UTS2B: variants seen among roughly 807,000 people sequenced by gnomAD.
The protein encoded by UTS2B is urotensin-2B.
Under a neutral mutation model 19.2 loss-of-function variants are expected in UTS2B, and 21 were observed. That is an observed-to-expected ratio of 1.09 (90% CI 0.78 to 1.58). The LOEUF is 1.58. Ranked by LOEUF, UTS2B falls within the 40% of genes most tolerant of loss-of-function variation. The probability of loss-of-function intolerance (pLI) is 0.00; values close to 1 mark genes in which losing one functional copy is unlikely to be tolerated. For missense variants in UTS2B, 138 were observed against 130.3 expected (o/e 1.06, Z -0.29); for synonymous variants, 57 against 50.2 (o/e 1.14, Z -0.58).
At chr3:191,319,849 C>G (rs908505554) in intron 2 of UTS2B, among the ~76,000 whole-genome samples, 4 of 145,520 alleles carry the variant, frequency 2.7e-5, no homozygotes, top group Non-Finnish European at 4.5e-5. Flanking sequence ...GCCCAGGCAA[C>G]AGTGCGAGAC....
At chr3:191,271,314 CT>C (rs1371066180) in intron 8 of UTS2B, among the ~76,000 whole-genome samples, 1 of 151,812 alleles carries the variant, frequency 6.6e-6, no homozygotes, top group Non-Finnish European at 1.5e-5. Context: ...GCTTCCTTGC[CT>C]TTCTCACACG....
At chr3:191,320,379 G>T (rs2108612239) in intron 2 of UTS2B, among the ~76,000 whole-genome samples, 1 of 152,340 alleles carries the variant, frequency 6.6e-6, no homozygotes, top group South Asian at 2.1e-4. Flanking sequence ...TCAATATGAG[G>T]ACAGGGCAGT....
At chr3:191,293,858 G>A (rs1001046065) in intron 4 of UTS2B, among the ~76,000 whole-genome samples, 1 of 151,924 alleles carries the variant, frequency 6.6e-6, no homozygotes, top group Non-Finnish European at 1.5e-5. Flanking sequence ...AGCACTTTGA[G>A]AAGCCGGGGG....
At chr3:191,315,422 A>T (rs1015877578) in intron 3 of UTS2B, among the ~76,000 whole-genome samples, 2 of 152,180 alleles carry the variant, frequency 1.3e-5, no homozygotes, top group African/African-American at 4.8e-5. Flanking sequence ...TTGGCATAGG[A>T]AGTGAAGGGC....
chr3:191,318,655 G>C (rs1473172078), intron 2 of UTS2B, among the ~76,000 whole-genome samples: 1 of 152,128 alleles, frequency 6.6e-6, no homozygotes, highest in African/African-American at 2.4e-5. Flanking sequence ...ATTTTTGGTA[G>C]AGATGGGGTT....
chr3:191,275,321 C>G lies in UTS2B; in HGVS notation c.265G>C (p.Val89Leu). The change falls in exon 8 of 9, where the codon GTG (valine) becomes CTG (leucine). Residue 89 changes from valine to leucine, a missense_variant. Physicochemically the swap from Val to Leu is conservative, Grantham distance 32 (BLOSUM62 1). Transcript: ENST00000340524. The part of the protein sequence containing the change: ...NQLEKLKEQL[V>L]EEKDSETSYA... ...GACGTCTCAGAATCCTTCTCCTCCA[C>G]TAGCTGTTCTTTTAGCTTTTCCAGC... 1 of 1,613,658 alleles carries G rather than the reference C, an allele frequency of 6.2e-7. No homozygotes were observed. The highest frequency in any genetic ancestry group is 8.5e-7 in the Non-Finnish European group (1 of 1,179,662).
rs1282392488 is a variant in UTS2B at position 191,268,398 on chromosome 3, G to T, written c.*18C>A. 5 of 1,547,832 alleles carry T rather than the reference G, an allele frequency of 3.2e-6. No individual in the cohort carries two copies. The African/African-American group carries it at 5.5e-5, about 17-fold the overall frequency. On this transcript the variant is annotated 3_prime_UTR_variant, in exon 9 of 9. Coordinates refer to ENST00000340524, the MANE Select transcript of UTS2B (RefSeq NM_198152.5). ...TTTCCTGATATTCTTATCTTTTTTTGCATCCAGAGAAAAAGCTTTAAACAC... is the reference window on the plus strand; with the variant it reads ...TTTCCTGATATTCTTATCTTTTTTTTCATCCAGAGAAAAAGCTTTAAACAC...
At chr3:191,317,246 A>G (rs1717485089) in intron 2 of UTS2B, among the ~76,000 whole-genome samples, 1 of 152,162 alleles carries the variant, frequency 6.6e-6, no homozygotes, top group Admixed American at 6.5e-5. Context: ...CCCGGGTGCT[A>G]AGCCCCTCAC....
chr3:191,301,483 A>ATTTTTT (rs750203551), intron 4 of UTS2B, among the ~76,000 whole-genome samples: 8 of 113,842 alleles, frequency 7.0e-5, no homozygotes, highest in South Asian at 2.8e-4. Context: ...ATTTTTGGTA[A>ATTTTTT]TTTTTTTTTT....
chr3:191,326,989 TTA>T (rs1717759249), intron 2 of UTS2B, among the ~76,000 whole-genome samples: 1 of 152,224 alleles, frequency 6.6e-6, no homozygotes, highest in African/African-American at 2.4e-5. Flanking sequence ...GTTGTGGCTA[TTA>T]TATATGTTTC....
At chr3:191,324,231 G>C (rs1443902696) in intron 2 of UTS2B, among the ~76,000 whole-genome samples, 1 of 152,186 alleles carries the variant, frequency 6.6e-6, no homozygotes, top group Non-Finnish European at 1.5e-5. Flanking sequence ...TTCTCCACCA[G>C]CAAGAAGGCT....
At chr3:191,316,669 G>C (rs1407121319) in intron 2 of UTS2B, among the ~76,000 whole-genome samples, 1 of 152,228 alleles carries the variant, frequency 6.6e-6, no homozygotes, top group African/African-American at 2.4e-5. Context: ...ACAGAGTGCT[G>C]GTTGGTGCAT....
Position 191,313,725 on chromosome 3 carries a change from C to CTTTTTT in UTS2B, c.-182+2305_-182+2310dup, listed in dbSNP as rs57398216. On this transcript the variant is annotated intron_variant, in intron 3 of 8. Transcript: ENST00000340524. ...TAAGACAATGCATTCCTCCACTTTC[C>CTTTTTT]TTTTTTTTTTTTTTTTTTTTTTTGA... is the stretch of plus-strand genomic sequence containing the variant. 4.8e-3 allele frequency among the ~76,000 whole-genome samples: 524 copies of CTTTTTT among 109,080 alleles called. 12 individuals are homozygous for CTTTTTT. The highest frequency in any genetic ancestry group is 0.016 in the African/African-American group (479 of 29,286). The allele number at this position is 109,080 out of a possible 152,430, so 71.6% of individuals were successfully genotyped here.
chr3:191,294,952 T>G (rs1716817917), intron 4 of UTS2B, among the ~76,000 whole-genome samples: 1 of 151,774 alleles, frequency 6.6e-6, no homozygotes, highest in South Asian at 2.1e-4. Flanking sequence ...AATCGCTTGA[T>G]CCTGGGAGAT....
rs1004187454 is a variant in UTS2B, at chr3:191,276,900, G to A, written c.203-56C>T. 2.0e-6 allele frequency: 3 copies of A among 1,501,650 alleles called. No individual in the cohort carries two copies. The African/African-American group carries it at 4.1e-5, about 21-fold the overall frequency. 93.0% of individuals were successfully genotyped at this position (1,501,650 alleles called of 1,614,324 possible). On this transcript the variant is annotated intron_variant, in intron 6 of 8. Transcript: ENST00000340524. ...GTACATTGCAAGTAATATTTAATTTGCTTCAGTACACACATTTAAGATCTT... is the reference window on the plus strand; with the variant it reads ...GTACATTGCAAGTAATATTTAATTTACTTCAGTACACACATTTAAGATCTT...
chr3:191,285,528 CA>C (rs1471624048), intron 4 of UTS2B, among the ~76,000 whole-genome samples: 3 of 152,188 alleles, frequency 2.0e-5, no homozygotes, highest in African/African-American at 7.2e-5. Context: ...ATTCTCCAAT[CA>C]AAAGACATAG....
chr3:191,316,964 C>T (rs1177248062), intron 2 of UTS2B, among the ~76,000 whole-genome samples: 1 of 152,268 alleles, frequency 6.6e-6, no homozygotes, highest in Non-Finnish European at 1.5e-5. Context: ...GCGGATCCCA[C>T]GCCGGGGCTG....
chr3:191,313,186 G>T (rs185132051), intron 3 of UTS2B, among the ~76,000 whole-genome samples: 1 of 152,120 alleles, frequency 6.6e-6, no homozygotes, highest in African/African-American at 2.4e-5. Context: ...GTAGAGATGA[G>T]GTTTCACCAT....
chr3:191,286,626 A>AG (rs1305357337), intron 4 of UTS2B, among the ~76,000 whole-genome samples: 1 of 152,108 alleles, frequency 6.6e-6, no homozygotes, highest in Non-Finnish European at 1.5e-5. Context: ...AGTAGTTAAA[A>AG]GGGGAAAGTC....
Sources: gnomAD v4.1 joint callset for allele counts (sites outside exome capture counted in the v4.1 genomes callset) on GRCh38, gnomAD v4.1.1 for gene constraint, MANE v1.5 for transcripts, NCBI Gene and HGNC (gene_info 2026-07-23, HGNC 2026-07-21) for gene names.